The following OTULIN variants were observed in gnomAD, a reference collection of about 807,000 sequenced individuals.
The protein encoded by OTULIN is OTU deubiquitinase with linear linkage specificity.
In OTULIN, 15 loss-of-function variants were observed where a neutral mutation model predicts 39.6. The observed-to-expected ratio is 0.38, with a 90% CI of 0.25 to 0.58. OTULIN has a LOEUF of 0.58. Among genes scored for constraint, OTULIN ranks in the 20% least tolerant of loss-of-function variants. OTULIN has a pLI of 0.66. For synonymous variants in OTULIN, 156 were observed against 170.3 expected (o/e 0.92, Z 0.65); for missense variants, 319 against 445.9 (o/e 0.72, Z 2.56).
the OTULIN span, among the ~76,000 whole-genome samples, chr5:14,711,513 C>CCTGG: frequency 6.6e-6 from 1 of 152,202 alleles, no homozygotes; most frequent in East Asian, 1.9e-4. Context: ...CTGCTGTGTG[C>CCTGG]CTGGCACTGA....
At chr5:14,709,393 T>G in the OTULIN span, 1 of 152,210 alleles carries the variant, frequency 6.6e-6, no homozygotes, top group African/African-American at 2.4e-5. Flanking sequence ...CATATATGTA[T>G]TAATGGAGGA....
Position 14,678,779 on chromosome 5 carries a change from TGACACAGA to T in OTULIN, c.324+6_324+13del, listed in dbSNP as rs753107194. 6.3e-7 allele frequency: 1 copy of T among 1,593,078 alleles called. No individual in the cohort carries two copies. The highest frequency in any genetic ancestry group is 1.7e-5 in the Admixed American group (1 of 57,986). On this transcript the variant is annotated splice_donor_5th_base_variant and intron_variant, in intron 3 of 6. Transcript: ENST00000284274. ...GAAAGCAACGTGTATGAAAATGGTA[TGACACAGA>T]GGTGCACATATTTCAGGTCTTTCAA...
the OTULIN span, among the ~76,000 whole-genome samples, chr5:14,712,036 A>AC: frequency 1.3e-5 from 2 of 152,318 alleles, no homozygotes; most frequent in Admixed American, 6.5e-5. Context: ...TCCTCAGCTT[A>AC]CATGACATGC....
chr5:14,714,483 C>T, the OTULIN span, among the ~76,000 whole-genome samples: 2 of 152,126 alleles, frequency 1.3e-5, no homozygotes, highest in South Asian at 2.1e-4. Flanking sequence ...GTGGACAGCA[C>T]CAGGCAAGGG....
chr5:14,705,310 C>G, the OTULIN span: 4 of 152,080 alleles, frequency 2.6e-5, no homozygotes, highest in Admixed American at 2.6e-4. Flanking sequence ...TAGATCACTG[C>G]TAATGTTCAG....
the OTULIN span, among the ~76,000 whole-genome samples, chr5:14,715,309 TTAG>T: frequency 6.6e-6 from 1 of 152,194 alleles, no homozygotes; most frequent in Non-Finnish European, 1.5e-5. Context: ...TTTTTTGTAT[TTAG>T]TAGAGACGGG....
downstream of OTULIN, among the ~76,000 whole-genome samples, chr5:14,704,345 A>AG (rs1197972445): frequency 1.3e-5 from 2 of 150,624 alleles, no homozygotes; most frequent in African/African-American, 4.9e-5. Flanking sequence ...AAAAAAAAAA[A>AG]AAAAAAAAAA....
intron 1 of OTULIN, among the ~76,000 whole-genome samples, chr5:14,671,066 G>C (rs780501026): frequency 1.3e-5 from 2 of 151,972 alleles, no homozygotes; most frequent in Non-Finnish European, 2.9e-5. Flanking sequence ...GTAATTTCCC[G>C]TTCAGCTTCC....
At chr5:14,711,802 C>T in the OTULIN span, among the ~76,000 whole-genome samples, 1 of 152,248 alleles carries the variant, frequency 6.6e-6, no homozygotes, top group Admixed American at 6.5e-5. Context: ...CACTTCCCTG[C>T]CATGTTGCCT....
At position 14,698,982 on chromosome 5, in the gene OTULIN, C is replaced by G. The variant is rs1282798557; in HGVS notation, c.*5934C>G. Reference sequence around the variant, plus strand: ...CCCTAAATCTGTTTCTTCATCTTTACCACACACAGTCTGTCTCAGTGGTGG... The same window carrying G: ...CCCTAAATCTGTTTCTTCATCTTTAGCACACACAGTCTGTCTCAGTGGTGG... On this transcript the variant is annotated 3_prime_UTR_variant, in exon 7 of 7. Coordinates refer to ENST00000284274, the MANE Select transcript of OTULIN (RefSeq NM_138348.6). 6.6e-6 allele frequency: 1 copy of G among 152,304 alleles called. No individual in the cohort carries two copies. Among genetic ancestry groups the G allele is most frequent in the East Asian group, 1.9e-4 (1 of 5,178 alleles). 9.4% of individuals were successfully genotyped at this position (152,304 alleles called of 1,614,324 possible).
At chr5:14,715,330 C>T in the OTULIN span, among the ~76,000 whole-genome samples, 125 of 152,322 alleles carry the variant, frequency 8.2e-4, 1 homozygote, top group Non-Finnish European at 4.4e-4. Flanking sequence ...GGGGTTTCAC[C>T]ATGTTGGTGA....
chr5:14,692,734 A>G, intron 6 of OTULIN, 120 bp from the exon 7 acceptor site: 1 of 719,992 alleles, frequency 1.4e-6, no homozygotes, highest in Non-Finnish European at 2.2e-6. Context: ...CCAAAGCAGG[A>G]GGAAAAAACG....
chr5:14,705,797 C>A, the OTULIN span: 5 of 152,752 alleles, frequency 3.3e-5, no homozygotes, highest in East Asian at 9.7e-4. Context: ...ACCCTGTACT[C>A]CTTTGTTACG....
intron 1 of OTULIN, among the ~76,000 whole-genome samples, chr5:14,672,964 A>AT (rs933430172): frequency 3.3e-5 from 5 of 152,114 alleles, no homozygotes; most frequent in African/African-American, 1.2e-4. Context: ...CATCTAGTGG[A>AT]TTTTTTCCCT....
At position 14,668,333 on chromosome 5, in the gene OTULIN, T is replaced by C. The variant is rs143252025; in HGVS notation, c.152+3356T>C. On this transcript the variant is annotated intron_variant, in intron 1 of 6. Coordinates refer to ENST00000284274, the MANE Select transcript of OTULIN (RefSeq NM_138348.6). Reference sequence around the variant, plus strand: ...TCAAACCTTATTGAGAGTGGCTGCATTGACCCCGGATACCTCTGGAAGTCA... The same window carrying C: ...TCAAACCTTATTGAGAGTGGCTGCACTGACCCCGGATACCTCTGGAAGTCA... 7.8e-3 allele frequency among the ~76,000 whole-genome samples: 1,185 copies of C among 152,298 alleles called. 13 individuals carry two copies. Among genetic ancestry groups the C allele is most frequent in the Non-Finnish European group, 0.01 (692 of 68,028 alleles).
the OTULIN span, among the ~76,000 whole-genome samples, chr5:14,711,819 A>C: frequency 6.6e-6 from 1 of 152,110 alleles, no homozygotes; most frequent in Non-Finnish European, 1.5e-5. Flanking sequence ...GCCTGTTCTT[A>C]CAATAAATGG....
At chr5:14,666,813 C>T (rs768317782) in intron 1 of OTULIN, among the ~76,000 whole-genome samples, 3 of 152,170 alleles carry the variant, frequency 2.0e-5, no homozygotes, top group Non-Finnish European at 4.4e-5. Context: ...ATCTTTCTGA[C>T]TCGGCAGTAT....
the OTULIN span, chr5:14,709,601 T>C: frequency 2.0e-5 from 3 of 152,310 alleles, no homozygotes; most frequent in Non-Finnish European, 4.4e-5. Flanking sequence ...CCTTTTTCTT[T>C]CTCATTTTTG....
Position 14,665,149 on chromosome 5 carries a change from A to G in OTULIN, c.152+172A>G, listed in dbSNP as rs185816709. On this transcript the variant is annotated intron_variant, in intron 1 of 6. Coordinates refer to ENST00000284274, the MANE Select transcript of OTULIN (RefSeq NM_138348.6). ...GACAGTTTTCCCAGTGTCCGAGTGCAGATTTTTAACCCCAGGGCCCCTCAC... is the reference window on the plus strand; with the variant it reads ...GACAGTTTTCCCAGTGTCCGAGTGCGGATTTTTAACCCCAGGGCCCCTCAC... 1.9e-4 allele frequency among the ~76,000 whole-genome samples: 29 copies of G among 152,344 alleles called. No homozygotes were observed. In the East Asian group the frequency reaches 3.3e-3, roughly 17 times the overall value.
Sources: allele counts gnomAD v4.1 joint callset (sites outside exome capture counted in the v4.1 genomes callset), GRCh38; gene constraint gnomAD v4.1.1; transcripts MANE v1.5; gene names NCBI Gene and HGNC (gene_info 2026-07-23, HGNC 2026-07-21).